Variants in EYA1 observed in about 807,000 individuals in gnomAD.
EYA1 encodes EYA transcriptional coactivator and phosphatase 1.
In EYA1, 16 loss-of-function variants were observed where a neutral mutation model predicts 82.0. The ratio of observed to expected loss-of-function variants is 0.20; its 90% confidence interval spans 0.13 to 0.30. The LOEUF (loss-of-function observed/expected upper bound fraction) is 0.30. Ranked by LOEUF, EYA1 falls within the 10% of genes least tolerant of loss-of-function variation. The pLI is 1.00. For synonymous variants in EYA1, 261 were observed against 264.4 expected (o/e 0.99, Z 0.12); for missense variants, 633 against 730.7 (o/e 0.87, Z 1.54).
chr8:71,318,775 CT>C (rs1822201711), intron 6 of EYA1, among the ~76,000 whole-genome samples: 1 of 152,164 alleles, frequency 6.6e-6, no homozygotes, highest in African/African-American at 2.4e-5. Context: ...CAGAGTACAG[CT>C]AGGTAATTGT....
intron 9 of EYA1, among the ~76,000 whole-genome samples, chr8:71,287,106 T>A (rs745840351): frequency 1.8e-4 from 27 of 152,174 alleles, no homozygotes; most frequent in Non-Finnish European, 2.6e-4. Flanking sequence ...GGCCTAAATT[T>A]TTTTTTTAGA....
intron 4 of EYA1, among the ~76,000 whole-genome samples, chr8:71,327,583 A>G (rs1209965555): frequency 6.6e-6 from 1 of 152,222 alleles, no homozygotes; most frequent in Admixed American, 6.5e-5. Flanking sequence ...ATGATAAACA[A>G]TGCTGCAATT....
chr8:71,376,634 A>G (rs1353087487), intron 2 of EYA1, among the ~76,000 whole-genome samples: 4 of 152,092 alleles, frequency 2.6e-5, no homozygotes, highest in Non-Finnish European at 5.9e-5. Flanking sequence ...TTGGAATTAG[A>G]GTCAATAGGA....
chr8:71,410,559 C>A, intron 2 of EYA1, among the ~76,000 whole-genome samples: 2 of 121,542 alleles, frequency 1.6e-5, no homozygotes, highest in African/African-American at 3.0e-5. Flanking sequence ...ATGTACAAAA[C>A]TCACAAGCAT....
At chr8:71,208,863 C>G (rs759626828) in intron 17 of EYA1, among the ~76,000 whole-genome samples, 1 of 152,176 alleles carries the variant, frequency 6.6e-6, no homozygotes, top group Non-Finnish European at 1.5e-5. Context: ...AGTCAAACTT[C>G]TAAGAATTGT....
rs1196386103 is a variant in EYA1, at chr8:71,215,502, G to A, written c.1482C>T (p.Asn494=). The change falls in exon 16 of 18, where the codon AAC becomes AAT. Residue 494 remains asparagine, a synonymous_variant. Transcript: ENST00000340726. The part of the protein sequence containing the change: ...KALSLIHSRT[N]CVNILVTTTQ... Reference sequence around the variant, plus strand: ...TAGTTGTTACTAAAATATTCACACAGTTTGTCCTATGAGAACAAAAAGAAA... The same window carrying A: ...TAGTTGTTACTAAAATATTCACACAATTTGTCCTATGAGAACAAAAAGAAA... The A allele has an allele frequency of 1.2e-6, 2 of 1,613,414 alleles. No individual in the cohort carries two copies. The highest frequency in any genetic ancestry group is 1.3e-5 in the African/African-American group (1 of 74,894).
At chr8:71,292,197 CTTTTACGAT>C (rs1819078134) in intron 9 of EYA1, among the ~76,000 whole-genome samples, 1 of 151,998 alleles carries the variant, frequency 6.6e-6, no homozygotes. Flanking sequence ...ATGACTTAAG[CTTTTACGAT>C]CAGTACAAGA....
chr8:71,322,244 G>A lies in EYA1; in HGVS notation c.227C>T (p.Pro76Leu). ...TGGAGAGAACTGGTGAGTTGGTCGTGGGCTGAAACTACTGCTCCCAATTGC... is the reference window on the plus strand; with the variant it reads ...TGGAGAGAACTGGTGAGTTGGTCGTAGGCTGAAACTACTGCTCCCAATTGC... Reference protein sequence around the residue: ...GSAIGSSSFSPRPTHQFSPPQ... With the variant: ...GSAIGSSSFSLRPTHQFSPPQ... Residue 76 changes from proline (P) to leucine (L), a missense_variant, in exon 5 of 18, where the codon CCA becomes CTA. Physicochemically the swap from Pro to Leu is moderately conservative, Grantham distance 98. Transcript: ENST00000340726. 6.2e-7 allele frequency: 1 copy of A among 1,613,900 alleles called. No individual in the cohort carries two copies. Among genetic ancestry groups the A allele is most frequent in the Non-Finnish European group, 8.5e-7 (1 of 1,179,902 alleles).
At chr8:71,541,024 C>G (rs555766802) in intron 1 of EYA1, among the ~76,000 whole-genome samples, 1 of 152,216 alleles carries the variant, frequency 6.6e-6, no homozygotes, top group Non-Finnish European at 1.5e-5. Flanking sequence ...CCCTACTCAA[C>G]TCACTACTTC....
chr8:71,345,623 C>A (rs1216897151), intron 3 of EYA1, among the ~76,000 whole-genome samples: 1 of 152,126 alleles, frequency 6.6e-6, no homozygotes, highest in Non-Finnish European at 1.5e-5. Context: ...GCATGCAATT[C>A]TTCCTATATT....
intron 2 of EYA1, among the ~76,000 whole-genome samples, chr8:71,506,756 AT>A (rs1812222444): frequency 1.3e-5 from 2 of 152,202 alleles, no homozygotes; most frequent in Non-Finnish European, 2.9e-5. Flanking sequence ...ACTGTGGATA[AT>A]TGCTTTATAA....
At chr8:71,415,003 T>C (rs940005055) in intron 2 of EYA1, among the ~76,000 whole-genome samples, 4 of 152,228 alleles carry the variant, frequency 2.6e-5, no homozygotes, top group African/African-American at 4.8e-5. Context: ...TTTTGGAGCA[T>C]TGCAGATGCT....
chr8:71,208,017 C>T (rs1345964705), intron 17 of EYA1, among the ~76,000 whole-genome samples: 1 of 152,120 alleles, frequency 6.6e-6, no homozygotes, highest in African/African-American at 2.4e-5. Flanking sequence ...AGTATTAAAA[C>T]TTTATAATAT....
chr8:71,232,178 T>C (rs1001098925), intron 12 of EYA1, among the ~76,000 whole-genome samples: 1 of 152,206 alleles, frequency 6.6e-6, no homozygotes, highest in Non-Finnish European at 1.5e-5. Flanking sequence ...GATAATAAGA[T>C]TGAATTCACA....
chr8:71,225,603 A>G (rs1810462457), intron 12 of EYA1, among the ~76,000 whole-genome samples: 1 of 152,218 alleles, frequency 6.6e-6, no homozygotes, highest in Non-Finnish European at 1.5e-5. Context: ...ACTCTAAACT[A>G]TCTACTCAGC....
At chr8:71,403,259 G>C (rs1324467671) in intron 2 of EYA1, among the ~76,000 whole-genome samples, 2 of 152,142 alleles carry the variant, frequency 1.3e-5, no homozygotes. Context: ...AATATGATCA[G>C]ACAATTGGCA....
intron 2 of EYA1, among the ~76,000 whole-genome samples, chr8:71,478,506 C>T (rs2129208878): frequency 6.6e-6 from 1 of 152,274 alleles, no homozygotes; most frequent in South Asian, 2.1e-4. Flanking sequence ...GAACTTATGG[C>T]TACCCCAAAA....
At chr8:71,238,567 C>T (rs965394828) in intron 12 of EYA1, among the ~76,000 whole-genome samples, 3 of 151,988 alleles carry the variant, frequency 2.0e-5, no homozygotes, top group Admixed American at 6.6e-5. Context: ...TCCTAAATTT[C>T]CTTTTATGAT....
chr8:71,242,359 A>T (rs575868693), intron 12 of EYA1, among the ~76,000 whole-genome samples: 1 of 152,128 alleles, frequency 6.6e-6, no homozygotes, highest in Non-Finnish European at 1.5e-5. Flanking sequence ...CATAAAATCA[A>T]CTTTTGTAAG....
Sources: gnomAD v4.1 joint callset for allele counts (sites outside exome capture counted in the v4.1 genomes callset) on GRCh38, gnomAD v4.1.1 for gene constraint, MANE v1.5 for transcripts, NCBI Gene and HGNC (gene_info 2026-07-23, HGNC 2026-07-21) for gene names.